PEMT: variants seen among roughly 807,000 people sequenced by gnomAD.
The protein encoded by PEMT is phosphatidylethanolamine N-methyltransferase.
A neutral mutation model predicts 27.4 loss-of-function variants in PEMT; 23 were observed. That is an observed-to-expected ratio of 0.84 (90% CI 0.60 to 1.19). PEMT has a LOEUF of 1.19. PEMT is among the 50% of genes most tolerant of loss of function. The pLI, the probability that PEMT is intolerant of heterozygous loss-of-function variation, is 0.00. For missense variants in PEMT, 307 were observed against 310.1 expected, an observed-to-expected ratio of 0.99 and a Z score of 0.07; for synonymous variants, 137 against 139.1, an observed-to-expected ratio of 0.98 and a Z score of 0.11.
chr17:17,545,095 G>GCTGTGT (rs1354386574), intron 2 of PEMT, among the ~76,000 whole-genome samples: 1 of 152,190 alleles, frequency 6.6e-6, no homozygotes, highest in Non-Finnish European at 1.5e-5. Flanking sequence ...ACATCCCTCA[G>GCTGTGT]GGTCCTTGCC....
intron 1 of PEMT, among the ~76,000 whole-genome samples, chr17:17,581,895 C>T (rs147215663): frequency 8.5e-5 from 13 of 152,296 alleles, no homozygotes; most frequent in African/African-American, 2.9e-4. Flanking sequence ...CCCAGCTCCC[C>T]GATCCCCACT....
At chr17:17,522,500 A>G in intron 2 of PEMT, 105 bp from the exon 3 acceptor site, 1 of 732,022 alleles carries the variant, frequency 1.4e-6, no homozygotes, top group Admixed American at 2.2e-5. Context: ...CAAAGCCCCC[A>G]TTTCCAAAGA....
chr17:17,516,534 T>C (rs1906849989), intron 3 of PEMT, among the ~76,000 whole-genome samples: 2 of 152,112 alleles, frequency 1.3e-5, no homozygotes, highest in African/African-American at 4.8e-5. Flanking sequence ...AACAGTGGGA[T>C]AGGCTCAAGC....
At chr17:17,506,519 C>T (rs1905861013) in intron 5 of PEMT, among the ~76,000 whole-genome samples, 1 of 152,224 alleles carries the variant, frequency 6.6e-6, no homozygotes, top group African/African-American at 2.4e-5. Flanking sequence ...CATTTATCAT[C>T]ATTGTCTGCC....
At chr17:17,573,026 T>C (rs961883958) in intron 2 of PEMT, among the ~76,000 whole-genome samples, 4 of 151,658 alleles carry the variant, frequency 2.6e-5, no homozygotes, top group Admixed American at 2.6e-4. Context: ...CTGTCTCTAC[T>C]AAAAATACAA....
At chr17:17,524,581 T>C (rs920535700) in intron 2 of PEMT, among the ~76,000 whole-genome samples, 35 of 143,378 alleles carry the variant, frequency 2.4e-4, no homozygotes, top group African/African-American at 7.6e-4. Flanking sequence ...CTGGGAGACA[T>C]AGTGAGACCC....
At chr17:17,551,928 C>T (rs576927713) in intron 2 of PEMT, among the ~76,000 whole-genome samples, 7 of 152,316 alleles carry the variant, frequency 4.6e-5, no homozygotes, top group East Asian at 3.9e-4. Context: ...GAAGGCTGGG[C>T]GCATTGGCTC....
intron 2 of PEMT, among the ~76,000 whole-genome samples, chr17:17,547,483 G>A (rs867361876): frequency 1.6e-4 from 24 of 152,250 alleles, no homozygotes; most frequent in African/African-American, 4.6e-4. Context: ...AGTCAGGGAG[G>A]TGACCTTCAC....
In PEMT at chr17:17,522,348, T is replaced by C. The variant is rs1907337301; in HGVS notation, c.252A>G (p.Gly84=). 6.2e-7 allele frequency: 1 copy of C among 1,613,292 alleles called. No homozygotes were observed. The highest frequency in any genetic ancestry group is 1.3e-5 in the African/African-American group (1 of 74,618). The change falls in exon 3 of 7, where the codon GGA becomes GGG. Residue 84 remains glycine (G), a synonymous_variant. Coordinates refer to ENST00000255389, the MANE Select transcript of PEMT (RefSeq NM_148172.3). ...GAGAGTAGCAGGCCAGGTAGGGGGA[T>C]CCGAAGGCCCTGCTCAGCTTGCGGG... ...HKTRKLSRAF[G]SPYLACYSLS...
intron 2 of PEMT, among the ~76,000 whole-genome samples, chr17:17,548,570 C>T (rs1471906087): frequency 2.0e-5 from 3 of 151,836 alleles, no homozygotes; most frequent in African/African-American, 7.3e-5. Context: ...TTTTTTGAGA[C>T]GCAGTTTCGC....
intron 4 of PEMT, among the ~76,000 whole-genome samples, chr17:17,511,232 C>T (rs1475362839): frequency 3.3e-5 from 5 of 152,178 alleles, no homozygotes; most frequent in African/African-American, 7.2e-5. Flanking sequence ...CTCTTTCCTA[C>T]CTGCCCGCAC....
At chr17:17,549,198 G>A (rs9893179) in intron 2 of PEMT, among the ~76,000 whole-genome samples, 72,441 of 151,798 alleles carry the variant, frequency 0.48, 17,658 homozygotes, top group Non-Finnish European at 0.54. Flanking sequence ...TTATTTATTT[G>A]TTTATTTTTG....
chr17:17,548,831 C>T (rs756871354), intron 2 of PEMT, among the ~76,000 whole-genome samples: 205 of 152,222 alleles, frequency 1.3e-3, no homozygotes, highest in Non-Finnish European at 2.5e-3. Context: ...AGGCGTGAGC[C>T]GCCGAGTCCG....
At chr17:17,583,822 C>A (rs1400741567) in intron 1 of PEMT, among the ~76,000 whole-genome samples, 1 of 152,208 alleles carries the variant, frequency 6.6e-6, no homozygotes, top group African/African-American at 2.4e-5. Flanking sequence ...GTCAGGCAAG[C>A]CCTGGGCAGC....
rs534731048 is a variant in PEMT at position 17,523,886 on chromosome 17, T to C, written c.205-1491A>G. ...ATCACCACGGTCTAAGTCCAGAACA[T>C]TTCATCACCCCAAGTAGAAACCCCG... On this transcript the variant is annotated intron_variant, in intron 2 of 6. Coordinates refer to ENST00000255389, the MANE Select transcript of PEMT (RefSeq NM_148172.3). This position sits in a 1 kb window ranked among gnomAD's most constrained non-coding sequence, Gnocchi z 4.8. 6.6e-6 allele frequency among the ~76,000 whole-genome samples: 1 copy of C among 152,222 alleles called. No individual in the cohort carries two copies. Among genetic ancestry groups the C allele is most frequent in the South Asian group, 2.1e-4 (1 of 4,824 alleles).
At chr17:17,553,895 G>A (rs1341698128) in intron 2 of PEMT, among the ~76,000 whole-genome samples, 2 of 152,222 alleles carry the variant, frequency 1.3e-5, no homozygotes, top group South Asian at 2.1e-4. Flanking sequence ...GCACTTGGGG[G>A]AACCACTCGC....
At chr17:17,558,209 C>CCA (rs1441124051) in intron 2 of PEMT, among the ~76,000 whole-genome samples, 2 of 152,074 alleles carry the variant, frequency 1.3e-5, no homozygotes, top group Non-Finnish European at 2.9e-5. Context: ...CACACACACA[C>CCA]AAATTTAAAA....
At chr17:17,570,802 G>T in intron 2 of PEMT, 1 of 985,472 alleles carries the variant, frequency 1.0e-6, no homozygotes, top group Non-Finnish European at 1.2e-6. Flanking sequence ...AGCAGCTGCT[G>T]CTGGTGATCT....
intron 3 of PEMT, among the ~76,000 whole-genome samples, chr17:17,514,711 G>A (rs1170155652): frequency 6.6e-6 from 1 of 152,238 alleles, no homozygotes; most frequent in African/African-American, 2.4e-5. Flanking sequence ...CACACCCAGT[G>A]TGGTGCCACG....
Sources: gnomAD v4.1 joint callset for allele counts (sites outside exome capture counted in the v4.1 genomes callset) on GRCh38, gnomAD v4.1.1 for gene constraint, Gnocchi (gnomAD v3.1) non-coding constraint, MANE v1.5 for transcripts, NCBI Gene and HGNC (gene_info 2026-07-23, HGNC 2026-07-21) for gene names.